Variants in SV2C observed in about 807,000 individuals in gnomAD.
SV2C encodes the protein solute carrier family 22 member B3.
A neutral mutation model predicts 79.7 loss-of-function variants in SV2C; 49 were observed. The ratio of observed to expected loss-of-function variants is 0.61; its 90% CI spans 0.49 to 0.78. The LOEUF (loss-of-function observed/expected upper bound fraction) is 0.78. Among genes scored for constraint, SV2C ranks in the 30% least tolerant of loss-of-function variants. The probability of loss-of-function intolerance (pLI) is 0.00; values close to 1 mark genes in which losing one functional copy is unlikely to be tolerated. For synonymous variants in SV2C, 334 were observed against 333.2 expected (o/e 1.00, Z -0.03); for missense variants, 833 against 912.9 (o/e 0.91, Z 1.13).
Position 76,325,510 on chromosome 5 carries a change from T to A in SV2C, c.2147T>A (p.Leu716Gln). The change falls in exon 13 of 13, where the codon CTG (leucine) becomes CAG (glutamine). Residue 716 changes from leucine (L) to glutamine (Q), a missense_variant. Transcript: ENST00000502798. Reference sequence around the variant, plus strand: ...CTCGTGTGTGGAGGACTCGTTGGGCTGTGCCTGCCTGACACACGAACCCAG... The same window carrying A: ...CTCGTGTGTGGAGGACTCGTTGGGCAGTGCCTGCCTGACACACGAACCCAG... Reference protein sequence around the residue: ...TVLVCGGLVGLCLPDTRTQVL... With the variant: ...TVLVCGGLVGQCLPDTRTQVL... 1 of 1,614,144 alleles carries A rather than the reference T, an allele frequency of 6.2e-7. No individual in the cohort carries two copies. Among genetic ancestry groups the A allele is most frequent in the Non-Finnish European group, 8.5e-7 (1 of 1,180,028 alleles).
At chr5:76,175,701 C>T (rs551018375) in intron 2 of SV2C, among the ~76,000 whole-genome samples, 12 of 152,314 alleles carry the variant, frequency 7.9e-5, no homozygotes, top group African/African-American at 2.9e-4. Context: ...GATGTAAGAT[C>T]TAGAAAATCA....
At chr5:76,034,768 T>C in the SV2C span, among the ~76,000 whole-genome samples, 1 of 152,244 alleles carries the variant, frequency 6.6e-6, no homozygotes, top group Non-Finnish European at 1.5e-5. Flanking sequence ...CCTCATCAAA[T>C]GAGTTAAGGA....
the SV2C span, among the ~76,000 whole-genome samples, chr5:76,051,034 A>C: frequency 6.6e-6 from 1 of 152,228 alleles, no homozygotes; most frequent in Non-Finnish European, 1.5e-5. Context: ...CAGTCAACAC[A>C]AACAAAAATT....
At chr5:76,121,620 T>C (rs1002940109) in intron 1 of SV2C, among the ~76,000 whole-genome samples, 2 of 150,576 alleles carry the variant, frequency 1.3e-5, no homozygotes, top group Non-Finnish European at 3.0e-5. Context: ...ATTTATTAAA[T>C]AGGGAATCCT....
chr5:76,232,946 T>C (rs2112403176), intron 4 of SV2C, among the ~76,000 whole-genome samples: 1 of 142,176 alleles, frequency 7.0e-6, no homozygotes, highest in South Asian at 2.1e-4. Context: ...CCATATGAAC[T>C]TTCAAGTAGT....
intron 4 of SV2C, among the ~76,000 whole-genome samples, chr5:76,241,702 A>C (rs62361390): frequency 0.16 from 24,989 of 151,952 alleles, 2,673 homozygotes; most frequent in South Asian, 0.34. Flanking sequence ...TTGTTTTTCT[A>C]TACCACAAGG....
the SV2C span, among the ~76,000 whole-genome samples, chr5:75,864,928 C>A: frequency 1.1e-5 from 1 of 91,904 alleles, no homozygotes; most frequent in Non-Finnish European, 2.0e-5. Flanking sequence ...CATGTCCAGA[C>A]TGCTATGCAA....
At chr5:76,297,096 A>G (rs1016658475) in intron 9 of SV2C, among the ~76,000 whole-genome samples, 3 of 152,248 alleles carry the variant, frequency 2.0e-5, no homozygotes, top group African/African-American at 7.2e-5. Context: ...GAACTTTTTT[A>G]CATTAGCAAT....
the SV2C span, among the ~76,000 whole-genome samples, chr5:75,945,558 A>G: frequency 0.01 from 1,529 of 152,112 alleles, 26 homozygotes; most frequent in African/African-American, 0.035. Flanking sequence ...GGCTCAAGCA[A>G]TCTGCCCACC....
At chr5:75,867,366 G>A in the SV2C span, among the ~76,000 whole-genome samples, 7 of 152,278 alleles carry the variant, frequency 4.6e-5, no homozygotes, top group East Asian at 1.4e-3. Flanking sequence ...AGGGCTGGCT[G>A]GGACAGAGGA....
the SV2C span, among the ~76,000 whole-genome samples, chr5:75,991,006 G>A: frequency 6.6e-6 from 1 of 151,816 alleles, no homozygotes; most frequent in East Asian, 1.9e-4. Context: ...GTAACCAGGA[G>A]CCAGCCTCCT....
In SV2C at chr5:76,326,794, CTGG is replaced by C. The variant is rs1749021909; in HGVS notation, c.*1248_*1250del. 1 of 152,284 alleles carries C rather than the reference CTGG, an allele frequency of 6.6e-6. No individual in the cohort carries two copies. The highest frequency in any genetic ancestry group is 6.5e-5 in the Admixed American group (1 of 15,278). 9.4% of individuals were successfully genotyped at this position (152,284 alleles called of 1,614,324 possible). A position where few individuals can be genotyped will look rare whatever the true frequency, so the allele number is the denominator to read the frequency against. ...TGCTCATTTTACCTCTGGAATCTGC[CTGG>C]GCTTGGAAGAAAGAGGTCAGCCAGG... On this transcript the variant is annotated 3_prime_UTR_variant, in exon 13 of 13. Transcript: ENST00000502798.
At chr5:76,261,714 T>C (rs544330182) in intron 4 of SV2C, among the ~76,000 whole-genome samples, 23 of 152,348 alleles carry the variant, frequency 1.5e-4, no homozygotes, top group African/African-American at 5.5e-4. Flanking sequence ...GTGGTTTTTG[T>C]CATTGGTTCG....
In SV2C at chr5:76,301,268, C is replaced by T. The variant is rs1054646381; in HGVS notation, c.1841-118C>T. ...GCACCAGTTCTTGAGCTTTATGGAGCCCATCCTGCAGCTTCCACTTAGAAT... is the reference window on the plus strand; with the variant it reads ...GCACCAGTTCTTGAGCTTTATGGAGTCCATCCTGCAGCTTCCACTTAGAAT... On this transcript the variant is annotated intron_variant, in intron 11 of 12. Transcript: ENST00000502798. 26 of 1,349,828 alleles carry T rather than the reference C, an allele frequency of 1.9e-5. 1 individual carries two copies. In the South Asian group the frequency reaches 3.5e-4, roughly 18 times the overall value. The allele number at this position is 1,349,828 out of a possible 1,614,324, so 83.6% of individuals were successfully genotyped here. A position where few individuals can be genotyped will look rare whatever the true frequency, so the allele number is the denominator to read the frequency against.
the SV2C span, among the ~76,000 whole-genome samples, chr5:75,946,437 T>C: frequency 6.6e-6 from 1 of 152,124 alleles, no homozygotes. Flanking sequence ...TACATGACTA[T>C]CTGTTCACCA....
At chr5:75,916,948 T>C in the SV2C span, among the ~76,000 whole-genome samples, 7 of 152,112 alleles carry the variant, frequency 4.6e-5, no homozygotes, top group Non-Finnish European at 1.0e-4. Flanking sequence ...TACCCCAACC[T>C]CCTCACCCCT....
intron 1 of SV2C, among the ~76,000 whole-genome samples, chr5:76,111,065 A>G (rs1254127186): frequency 6.6e-6 from 1 of 152,208 alleles, no homozygotes; most frequent in African/African-American, 2.4e-5. Context: ...TAAATGTGCA[A>G]TGCAGATGAT....
At chr5:76,075,997 T>C in the SV2C span, 2 of 157,118 alleles carry the variant, frequency 1.3e-5, no homozygotes, top group Admixed American at 6.3e-5. Context: ...CTTTTTCATC[T>C]TATTTCCATT....
chr5:76,113,013 T>A (rs1294475549), intron 1 of SV2C, among the ~76,000 whole-genome samples: 1 of 152,194 alleles, frequency 6.6e-6, no homozygotes, highest in Non-Finnish European at 1.5e-5. Context: ...GGCATTGGAA[T>A]CTGTTTTTGT....
Sources: allele counts gnomAD v4.1 joint callset (sites outside exome capture counted in the v4.1 genomes callset), GRCh38; gene constraint gnomAD v4.1.1; transcripts MANE v1.5; gene names NCBI Gene and HGNC (gene_info 2026-07-23, HGNC 2026-07-21).